Variants in AZIN2 observed in about 807,000 individuals in gnomAD.
The protein encoded by AZIN2 is antizyme inhibitor 2.
In AZIN2, 28 loss-of-function variants were observed where a neutral mutation model predicts 47.8. The ratio of observed to expected loss-of-function variants is 0.59; its 90% CI spans 0.43 to 0.80. The LOEUF (loss-of-function observed/expected upper bound fraction) is 0.80, where lower values mean the gene tolerates loss of function less well. Ranked by LOEUF, AZIN2 falls within the 30% of genes least tolerant of loss-of-function variation. The pLI, the probability that AZIN2 is intolerant of heterozygous loss-of-function variation, is 0.00. For synonymous variants in AZIN2, 221 were observed against 239.4 expected (o/e 0.92, Z 0.71); for missense variants, 535 against 582.5 (o/e 0.92, Z 0.84).
At chr1:33,109,068 G>T (rs966895080) in intron 10 of AZIN2, among the ~76,000 whole-genome samples, 10 of 152,184 alleles carry the variant, frequency 6.6e-5, no homozygotes, top group Non-Finnish European at 1.2e-4. Context: ...GGCCATTTGA[G>T]TAAGTGTTCA....
rs574961153 is a variant in AZIN2, at chr1:33,083,746, A to C, written c.106-208A>C. 4.2e-5 allele frequency: 25 copies of C among 596,148 alleles called. No homozygotes were observed. In the African/African-American group the frequency reaches 4.6e-4, roughly 11 times the overall value. The allele number at this position is 596,148 out of a possible 1,614,324, so 36.9% of individuals were successfully genotyped here. The stretch of plus-strand genomic sequence containing the variant: ...CTGGAGTTTTAGCCGCATTGAGGGG[A>C]GGGATTGGGGCTAGATCAGAGCCTT... On this transcript the variant is annotated intron_variant, in intron 4 of 11. Coordinates refer to ENST00000294517, the MANE Select transcript of AZIN2 (RefSeq NM_052998.4).
At chr1:33,109,169 C>T (rs1644165934) in intron 10 of AZIN2, among the ~76,000 whole-genome samples, 1 of 152,098 alleles carries the variant, frequency 6.6e-6, no homozygotes, top group South Asian at 2.1e-4. Context: ...CTGTTAAAGT[C>T]CTTTGACCAT....
chr1:33,120,070 C>T lies in AZIN2; in HGVS notation c.1271C>T (p.Ala424Val), dbSNP rs139920418. Residue 424 changes from alanine (A) to valine (V), a missense_variant, in exon 12 of 12, where the codon GCT becomes GTT. This residue lies in a region of AZIN2 where 122 missense variants were observed against 135.8 expected (regional missense o/e 0.90). Transcript: ENST00000294517. ...AWEALRRQLM[A>V]AEQEDDVEGV... Reference sequence around the variant, plus strand: ...GAAGCGCTGCGAAGGCAGCTGATGGCTGCAGAACAGGAGGATGACGTGGAG... The same window carrying T: ...GAAGCGCTGCGAAGGCAGCTGATGGTTGCAGAACAGGAGGATGACGTGGAG... 7.9e-5 allele frequency: 128 copies of T among 1,614,036 alleles called. No individual in the cohort carries two copies. Among genetic ancestry groups the T allele is most frequent in the Non-Finnish European group, 1.1e-4 (128 of 1,179,976 alleles).
At position 33,118,289 on chromosome 1, in the gene AZIN2, G is replaced by A. The variant is rs567466770; in HGVS notation, c.1244+173G>A. On this transcript the variant is annotated intron_variant, in intron 11 of 11. Transcript: ENST00000294517. ...CTGGCTGTGGCCATAAGTGAGGCTG[G>A]GCTTTCCTAGAGGAGCTCACAGCCC... 1.6e-5 allele frequency: 11 copies of A among 676,302 alleles called. No homozygotes were observed. In the South Asian group the frequency reaches 2.8e-4, roughly 17 times the overall value. The allele number at this position is 676,302 out of a possible 1,614,324, so 41.9% of individuals were successfully genotyped here. A position where few individuals can be genotyped will look rare whatever the true frequency, so the allele number is the denominator to read the frequency against.
chr1:33,134,751 C>T, the AZIN2 span, among the ~76,000 whole-genome samples: 1 of 152,230 alleles, frequency 6.6e-6, no homozygotes, highest in Admixed American at 6.5e-5. Context: ...TGCCAGCTTG[C>T]TGCGCCTGCC....
chr1:33,103,526 G>A (rs979262661), intron 10 of AZIN2, among the ~76,000 whole-genome samples: 28 of 152,082 alleles, frequency 1.8e-4, no homozygotes, highest in African/African-American at 5.6e-4. Context: ...CTCTAAAGTA[G>A]GCTCACCTCC....
At chr1:33,130,659 C>A in the AZIN2 span, among the ~76,000 whole-genome samples, 1 of 152,182 alleles carries the variant, frequency 6.6e-6, no homozygotes, top group Non-Finnish European at 1.5e-5. Flanking sequence ...TACCCAGGTT[C>A]TTGACCCTCA....
At chr1:33,088,925 C>A (rs974343150) in intron 5 of AZIN2, among the ~76,000 whole-genome samples, 20 of 152,314 alleles carry the variant, frequency 1.3e-4, no homozygotes, top group African/African-American at 4.1e-4. Context: ...TGGGACTGCC[C>A]TGCCTATCTT....
At chr1:33,116,907 G>T (rs566453736) in intron 10 of AZIN2, among the ~76,000 whole-genome samples, 1 of 152,310 alleles carries the variant, frequency 6.6e-6, no homozygotes, top group East Asian at 1.9e-4. Flanking sequence ...AGCACAGCAA[G>T]TGCAGTGATG....
At chr1:33,164,166 G>C in the AZIN2 span, 4 of 152,240 alleles carry the variant, frequency 2.6e-5, no homozygotes, top group African/African-American at 9.7e-5. Flanking sequence ...TGTTGCCCCC[G>C]AGGGTCCTGC....
At chr1:33,087,477 C>T (rs1642052926) in intron 5 of AZIN2, among the ~76,000 whole-genome samples, 1 of 151,168 alleles carries the variant, frequency 6.6e-6, no homozygotes, top group Non-Finnish European at 1.5e-5. Flanking sequence ...TGCTCTGTTG[C>T]CCAGGGTGGA....
At chr1:33,138,626 C>CAAAAAAAAAAAAAA in the AZIN2 span, among the ~76,000 whole-genome samples, 2 of 66,094 alleles carry the variant, frequency 3.0e-5, no homozygotes, top group African/African-American at 4.7e-5. Flanking sequence ...ACAACAACAA[C>CAAAAAAAAAAAAAA]AAAAAAAAAA....
At chr1:33,137,530 C>T in the AZIN2 span, among the ~76,000 whole-genome samples, 1 of 152,102 alleles carries the variant, frequency 6.6e-6, no homozygotes, top group Non-Finnish European at 1.5e-5. Context: ...AGTTTCAGAG[C>T]TGGGAAGGTG....
intron 8 of AZIN2, among the ~76,000 whole-genome samples, chr1:33,095,824 T>A (rs1274407574): frequency 6.6e-6 from 1 of 152,110 alleles, no homozygotes; most frequent in Non-Finnish European, 1.5e-5. Context: ...ATTCTTACAA[T>A]AAAGTAAGCT....
rs911178387 is a variant in AZIN2 at position 33,081,797 on chromosome 1, A to G, written c.-88A>G. 4.0e-6 allele frequency: 1 copy of G among 252,088 alleles called. No homozygotes were observed. Among genetic ancestry groups the G allele is most frequent in the Non-Finnish European group, 7.8e-6 (1 of 127,558 alleles). The allele number at this position is 252,088 out of a possible 1,614,324, so 15.6% of individuals were successfully genotyped here. On this transcript the variant is annotated 5_prime_UTR_variant, in exon 3 of 12. Coordinates refer to ENST00000294517, the MANE Select transcript of AZIN2 (RefSeq NM_052998.4). The surrounding 1 kb of genome is among the most constrained non-coding windows in gnomAD (Gnocchi z 4.2). ...TAGGCTGAGACGCCTTGATGTGGCC[A>G]CCGGCTACCCTCTAGGTGGGCGTGG... is the stretch of plus-strand genomic sequence containing the variant.
chr1:33,144,397 C>A, the AZIN2 span, among the ~76,000 whole-genome samples: 17 of 152,196 alleles, frequency 1.1e-4, no homozygotes, highest in African/African-American at 4.1e-4. Context: ...CTTGGCCTCC[C>A]AAAGTGTTGG....
the AZIN2 span, among the ~76,000 whole-genome samples, chr1:33,138,626 CA>C: frequency 0.075 from 4,979 of 66,182 alleles, 183 homozygotes; most frequent in East Asian, 0.21. Flanking sequence ...ACAACAACAA[CA>C]AAAAAAAAAA....
intron 5 of AZIN2, among the ~76,000 whole-genome samples, chr1:33,085,796 G>A (rs376300128): frequency 4.1e-4 from 63 of 152,282 alleles, no homozygotes; most frequent in African/African-American, 1.5e-3. Flanking sequence ...TGTCTTCCAC[G>A]AAGCTCTGTG....
chr1:33,113,750 G>T lies in AZIN2; in HGVS notation c.1030-4152G>T, dbSNP rs1272526841. 5.9e-5 allele frequency among the ~76,000 whole-genome samples: 9 copies of T among 152,228 alleles called. No individual in the cohort carries two copies. In the East Asian group the frequency reaches 1.7e-3, roughly 29 times the overall value. On this transcript the variant is annotated intron_variant, in intron 10 of 11. Coordinates refer to ENST00000294517, the MANE Select transcript of AZIN2 (RefSeq NM_052998.4). The surrounding 1 kb of genome is among the most constrained non-coding windows in gnomAD (Gnocchi z 4.1). ...TGGAAAATGACAGGGCTGAACTTCA[G>T]TGTATCTCAATGAAGTCAGAGTTGG... is the stretch of plus-strand genomic sequence containing the variant.
Sources: allele counts gnomAD v4.1 joint callset (sites outside exome capture counted in the v4.1 genomes callset), GRCh38; gene constraint gnomAD v4.1.1; regional missense constraint gnomAD v4.1.1; non-coding constraint Gnocchi (gnomAD v3.1); transcripts MANE v1.5; gene names NCBI Gene and HGNC (gene_info 2026-07-23, HGNC 2026-07-21).